Variants in EML4 observed in about 807,000 individuals in gnomAD.
EML4 encodes the protein echinoderm microtubule-associated protein-like 4.
A neutral mutation model predicts 129.0 loss-of-function variants in EML4; 72 were observed. The observed-to-expected ratio is 0.56, with a 90% CI of 0.46 to 0.68. The LOEUF (loss-of-function observed/expected upper bound fraction) is 0.68. Ranked by LOEUF, EML4 falls within the 30% of genes least tolerant of loss-of-function variation. EML4 has a pLI of 0.00. For synonymous variants in EML4, 532 were observed against 405.0 expected, an observed-to-expected ratio of 1.31 and a Z score of -3.77; for missense variants, 1,363 against 1,190.6, an observed-to-expected ratio of 1.14 and a Z score of -2.13.
chr2:42,256,650 G>A lies in EML4; in HGVS notation c.338+20G>A. On this transcript the variant is annotated intron_variant, in intron 3 of 22. Transcript: ENST00000318522. ...TAAAAGGTACCCATTTATGAAAGGG[G>A]GAAAAACTAACATTGCAGAATTGTC... The A allele has an allele frequency of 6.2e-7, 1 of 1,612,096 alleles. No homozygotes were observed. Among genetic ancestry groups the A allele is most frequent in the Non-Finnish European group, 8.5e-7 (1 of 1,179,140 alleles).
At chr2:42,248,302 T>G (rs558261214) in intron 2 of EML4, among the ~76,000 whole-genome samples, 2 of 152,112 alleles carry the variant, frequency 1.3e-5, no homozygotes, top group African/African-American at 4.8e-5. Context: ...TTTAAAGATA[T>G]TTTCTCTCAT....
At chr2:42,304,121 G>C (rs1053312882) in intron 16 of EML4, among the ~76,000 whole-genome samples, 1 of 152,012 alleles carries the variant, frequency 6.6e-6, no homozygotes, top group African/African-American at 2.4e-5. Flanking sequence ...CTTTCTGGGT[G>C]GTCTCTTACT....
At chr2:42,202,084 A>G (rs1022212539) in intron 1 of EML4, among the ~76,000 whole-genome samples, 2 of 147,248 alleles carry the variant, frequency 1.4e-5, no homozygotes, top group Non-Finnish European at 3.0e-5. Context: ...CTCTGTCTCA[A>G]AAAAAAAAAA....
intron 19 of EML4, 77 bp downstream of exon 19, chr2:42,317,601 G>A: frequency 1.1e-6 from 1 of 950,558 alleles, no homozygotes; most frequent in Non-Finnish European, 1.6e-6. Context: ...TTACATCGAT[G>A]TGTGTGTTGT....
intron 1 of EML4, among the ~76,000 whole-genome samples, chr2:42,197,404 AAAG>A (rs1291005542): frequency 2.0e-5 from 3 of 151,290 alleles, no homozygotes; most frequent in African/African-American, 7.4e-5. Flanking sequence ...TGGTAAAGAA[AAAG>A]AACCCCCCAA....
chr2:42,282,154 C>T (rs932560129), intron 7 of EML4, among the ~76,000 whole-genome samples: 1 of 150,730 alleles, frequency 6.6e-6, no homozygotes. Context: ...TTTACCCCCC[C>T]ACGATTTGTA....
intron 6 of EML4, 47 bp from the exon 7 acceptor site, chr2:42,280,803 T>C: frequency 6.8e-7 from 1 of 1,475,238 alleles, no homozygotes; most frequent in Non-Finnish European, 9.3e-7. Context: ...TTTGTATGAC[T>C]ATACAGAAAA....
In EML4 at chr2:42,303,740, A is replaced by C. The variant is rs537035336; in HGVS notation, c.1899+294A>C. Among the ~76,000 whole-genome samples the C allele has an allele frequency of 4.6e-5, 7 of 152,314 alleles. No homozygotes were observed. In the South Asian group the frequency reaches 1.5e-3, roughly 32 times the overall value. On this transcript the variant is annotated intron_variant, in intron 16 of 22. Coordinates refer to ENST00000318522, the MANE Select transcript of EML4 (RefSeq NM_019063.5). Reference sequence around the variant, plus strand: ...GGAGATCGAGACCATCCTGGCTAACACGGTGAAGCCCTGTCTCTAGTAAAA... The same window carrying C: ...GGAGATCGAGACCATCCTGGCTAACCCGGTGAAGCCCTGTCTCTAGTAAAA...
chr2:42,276,135 A>G (rs1259474462), intron 6 of EML4, among the ~76,000 whole-genome samples: 1 of 152,158 alleles, frequency 6.6e-6, no homozygotes, highest in Non-Finnish European at 1.5e-5. Context: ...CTAATACCCA[A>G]GGTAAAGAGT....
At chr2:42,240,516 T>C (rs1384743369) in intron 1 of EML4, among the ~76,000 whole-genome samples, 1 of 152,202 alleles carries the variant, frequency 6.6e-6, no homozygotes. Context: ...ACATATTGTT[T>C]TGCAGTTTGC....
intron 6 of EML4, among the ~76,000 whole-genome samples, chr2:42,270,028 C>T (rs888080923): frequency 1.3e-5 from 2 of 152,104 alleles, no homozygotes; most frequent in Non-Finnish European, 2.9e-5. Flanking sequence ...GCTGAAAATT[C>T]CATTTGCTAA....
At chr2:42,325,189 C>T in intron 19 of EML4, 1 of 542,434 alleles carries the variant, frequency 1.8e-6, no homozygotes, top group Non-Finnish European at 3.6e-6. Context: ...TTGCAATGTC[C>T]TGTAAGATAC....
chr2:42,282,751 A>G lies in EML4; in HGVS notation c.792-72A>G, dbSNP rs571670242. 3.3e-5 allele frequency: 43 copies of G among 1,312,960 alleles called. No homozygotes were observed. In the South Asian group the frequency reaches 4.9e-4, roughly 15 times the overall value. The allele number at this position is 1,312,960 out of a possible 1,614,324, so 81.3% of individuals were successfully genotyped here. On this transcript the variant is annotated intron_variant, in intron 7 of 22. Transcript: ENST00000318522. ...TTCATTGTACCTTCCTAATTCCTTAAGTATCCATGAAAAATCTGTTAACAA... is the reference window on the plus strand; with the variant it reads ...TTCATTGTACCTTCCTAATTCCTTAGGTATCCATGAAAAATCTGTTAACAA...
intron 8 of EML4, 115 bp from the exon 9 acceptor site, chr2:42,284,519 A>G: frequency 3.5e-6 from 2 of 579,410 alleles, no homozygotes; most frequent in Non-Finnish European, 5.9e-6. Context: ...AAGAAAACAG[A>G]TAAACGTATG....
intron 17 of EML4, among the ~76,000 whole-genome samples, chr2:42,312,684 G>A (rs1669027555): frequency 6.6e-6 from 1 of 151,838 alleles, no homozygotes; most frequent in South Asian, 2.1e-4. Flanking sequence ...CTCCCAAGTA[G>A]CTGGGACTAC....
At chr2:42,322,340 T>C (rs1432393207) in intron 19 of EML4, among the ~76,000 whole-genome samples, 10 of 152,238 alleles carry the variant, frequency 6.6e-5, no homozygotes, top group Non-Finnish European at 1.5e-5. Context: ...TGCTACTGCA[T>C]TGGACTGCAC....
Position 42,304,469 on chromosome 2 carries a change from CTG to C in EML4, c.1900-13_1900-12del. 1.2e-6 allele frequency: 2 copies of C among 1,612,742 alleles called. No homozygotes were observed. Among genetic ancestry groups the C allele is most frequent in the South Asian group, 2.2e-5 (2 of 91,018 alleles). On this transcript the variant is annotated splice_polypyrimidine_tract_variant and intron_variant, in intron 16 of 22. Coordinates refer to ENST00000318522, the MANE Select transcript of EML4 (RefSeq NM_019063.5). ...TTCTCATGTACTCCCCAACAGCTGT[CTG>C]TCTCTTTTCTAGGAACCAGGACACT...
chr2:42,314,337 G>A (rs1333952668), intron 17 of EML4, among the ~76,000 whole-genome samples: 2 of 152,008 alleles, frequency 1.3e-5, no homozygotes, highest in East Asian at 3.9e-4. Flanking sequence ...CCAGCCTGGG[G>A]GATGAAAGCA....
intron 1 of EML4, among the ~76,000 whole-genome samples, chr2:42,223,159 A>G (rs17029354): frequency 6.6e-6 from 1 of 152,030 alleles, no homozygotes; most frequent in Non-Finnish European, 1.5e-5. Context: ...AACATATTTC[A>G]TTCACTTGAT....
Sources: allele counts gnomAD v4.1 joint callset (sites outside exome capture counted in the v4.1 genomes callset), GRCh38; gene constraint gnomAD v4.1.1; transcripts MANE v1.5; gene names NCBI Gene and HGNC (gene_info 2026-07-23, HGNC 2026-07-21).